The following HS3ST5 variants were observed in gnomAD, a reference collection of about 807,000 sequenced individuals.
HS3ST5 encodes the protein heparan sulfate-glucosamine 3-sulfotransferase 5.
Under a neutral mutation model 25.4 loss-of-function variants are expected in HS3ST5, and 10 were observed. The observed-to-expected ratio is 0.39, with a 90% CI of 0.24 to 0.67. The LOEUF (loss-of-function observed/expected upper bound fraction) is 0.67, where lower values mean the gene tolerates loss of function less well. Among genes scored for constraint, HS3ST5 ranks in the 30% least tolerant of loss-of-function variants. The pLI, the probability that HS3ST5 is intolerant of heterozygous loss-of-function variation, is 0.44. For synonymous variants in HS3ST5, 170 were observed against 162.4 expected (o/e 1.05, Z -0.36); for missense variants, 324 against 420.7 (o/e 0.77, Z 2.01).
At chr6:114,208,418 G>GACA (rs1366466423) in intron 2 of HS3ST5, among the ~76,000 whole-genome samples, 1 of 152,192 alleles carries the variant, frequency 6.6e-6, no homozygotes, top group Non-Finnish European at 1.5e-5. Context: ...CATTCACCCA[G>GACA]ACAATTATTG....
chr6:114,239,202 A>G (rs1252390939), intron 1 of HS3ST5: 1 of 152,216 alleles, frequency 6.6e-6, no homozygotes, highest in East Asian at 1.9e-4. Context: ...ACATAAAAAT[A>G]TCCTCCTTGA....
chr6:114,293,527 C>T (rs1337425148), intron 1 of HS3ST5, among the ~76,000 whole-genome samples: 1 of 152,088 alleles, frequency 6.6e-6, no homozygotes, highest in Non-Finnish European at 1.5e-5. Flanking sequence ...AGTCCTGAGA[C>T]TGTTGTAGTA....
chr6:114,268,497 A>C (rs767707309), intron 1 of HS3ST5, among the ~76,000 whole-genome samples: 2 of 152,174 alleles, frequency 1.3e-5, no homozygotes, highest in Admixed American at 6.5e-5. Flanking sequence ...TTTCATCCTA[A>C]CACAGCAACA....
chr6:114,240,957 G>A (rs530211690), intron 1 of HS3ST5, among the ~76,000 whole-genome samples: 3 of 152,016 alleles, frequency 2.0e-5, no homozygotes, highest in Non-Finnish European at 2.9e-5. Flanking sequence ...TGAGGACACC[G>A]AGCAAGGTAG....
chr6:114,147,003 A>G (rs1001775124), intron 3 of HS3ST5, among the ~76,000 whole-genome samples: 4 of 152,178 alleles, frequency 2.6e-5, no homozygotes, highest in East Asian at 1.9e-4. Flanking sequence ...CATCACTGGT[A>G]TGGATCAGGG....
chr6:114,314,026 C>T lies in HS3ST5; in HGVS notation c.-339+28169G>A, dbSNP rs7746678. Among the ~76,000 whole-genome samples the T allele has an allele frequency of 3.7e-3, 569 of 152,194 alleles. 1 individual carries two copies. The highest frequency in any genetic ancestry group is 0.011 in the African/African-American group (452 of 41,538). On this transcript the variant is annotated intron_variant, in intron 1 of 4. Coordinates refer to ENST00000312719, the MANE Select transcript of HS3ST5 (RefSeq NM_153612.4). ...CTGCAGCCTCTGCCCCCCAGGCTCGCGTGATTCTCATGCCTCAGTCTCCAG... is the reference window on the plus strand; with the variant it reads ...CTGCAGCCTCTGCCCCCCAGGCTCGTGTGATTCTCATGCCTCAGTCTCCAG...
intron 2 of HS3ST5, among the ~76,000 whole-genome samples, chr6:114,222,679 A>T (rs1264212565): frequency 9.2e-5 from 14 of 151,834 alleles, no homozygotes. Flanking sequence ...AAGAGCAAGG[A>T]ATGGAAGAAC....
At chr6:114,108,816 A>C (rs1211258314) in intron 3 of HS3ST5, among the ~76,000 whole-genome samples, 23 of 152,198 alleles carry the variant, frequency 1.5e-4, no homozygotes, top group Admixed American at 1.5e-3. Context: ...CAAATTGTAC[A>C]ATTAAAATAT....
chr6:114,066,975 A>C (rs1215745354), intron 3 of HS3ST5, among the ~76,000 whole-genome samples: 1 of 152,214 alleles, frequency 6.6e-6, no homozygotes, highest in Non-Finnish European at 1.5e-5. Flanking sequence ...CAGTGTGGAC[A>C]GTCAGCTTCT....
chr6:114,091,601 A>G (rs1456294118), intron 3 of HS3ST5, among the ~76,000 whole-genome samples: 2 of 151,688 alleles, frequency 1.3e-5, no homozygotes, highest in African/African-American at 4.8e-5. Flanking sequence ...GGAGAATGGC[A>G]TGAACCCGGG....
At chr6:114,262,218 C>T (rs763496773) in intron 1 of HS3ST5, among the ~76,000 whole-genome samples, 1 of 152,106 alleles carries the variant, frequency 6.6e-6, no homozygotes, top group Admixed American at 6.5e-5. Context: ...CTTTGTATCT[C>T]GTCTCAGGAA....
intron 2 of HS3ST5, among the ~76,000 whole-genome samples, chr6:114,205,821 A>C (rs1781254105): frequency 6.6e-6 from 1 of 152,182 alleles, no homozygotes; most frequent in African/African-American, 2.4e-5. Flanking sequence ...TCACACGTGC[A>C]GTTCACAATA....
chr6:114,208,193 A>C (rs1418935681), intron 2 of HS3ST5, among the ~76,000 whole-genome samples: 1 of 152,206 alleles, frequency 6.6e-6, no homozygotes, highest in African/African-American at 2.4e-5. Flanking sequence ...GGGACACCCC[A>C]ATGTTTTGTG....
At chr6:114,143,956 T>C (rs528800654) in intron 3 of HS3ST5, 15 of 152,490 alleles carry the variant, frequency 9.8e-5, no homozygotes, top group African/African-American at 3.4e-4. Context: ...CTGGTCTGTA[T>C]ATATGTCCCA....
intron 1 of HS3ST5, among the ~76,000 whole-genome samples, chr6:114,331,658 T>C (rs904550753): frequency 1.6e-4 from 24 of 152,158 alleles, no homozygotes; most frequent in Non-Finnish European, 1.5e-4. Flanking sequence ...TTTACTTGCA[T>C]ATATAATTAC....
chr6:114,219,521 G>A (rs1781931662), intron 2 of HS3ST5, among the ~76,000 whole-genome samples: 1 of 152,078 alleles, frequency 6.6e-6, no homozygotes. Flanking sequence ...ACATTTCCAA[G>A]GACATCACTA....
intron 1 of HS3ST5, among the ~76,000 whole-genome samples, chr6:114,308,771 G>C (rs117584592): frequency 2.2e-4 from 33 of 152,264 alleles, no homozygotes; most frequent in Non-Finnish European, 4.4e-4. Context: ...AAGGAGAAAT[G>C]AGTGAACAAA....
At chr6:114,299,746 T>C (rs924696618) in intron 1 of HS3ST5, among the ~76,000 whole-genome samples, 1 of 152,190 alleles carries the variant, frequency 6.6e-6, no homozygotes, top group Non-Finnish European at 1.5e-5. Flanking sequence ...TTTCTAGTGA[T>C]GATATTCTTT....
chr6:114,129,457 G>C (rs9400696), intron 3 of HS3ST5, among the ~76,000 whole-genome samples: 42,825 of 151,706 alleles, frequency 0.28, 6,728 homozygotes, highest in Admixed American at 0.4. Context: ...GGGTTTCATC[G>C]TGTTAGCCAG....
Sources: allele counts gnomAD v4.1 joint callset (sites outside exome capture counted in the v4.1 genomes callset), GRCh38; gene constraint gnomAD v4.1.1; transcripts MANE v1.5; gene names NCBI Gene and HGNC (gene_info 2026-07-23, HGNC 2026-07-21).